The following ADK variants were observed in gnomAD, a reference collection of about 807,000 sequenced individuals.
ADK encodes the protein adenosine kinase.
Under a neutral mutation model 44.7 loss-of-function variants are expected in ADK, and 24 were observed. That is an observed-to-expected ratio of 0.54 (90% CI 0.39 to 0.76). The LOEUF (loss-of-function observed/expected upper bound fraction) is 0.76, where lower values mean the gene tolerates loss of function less well. Ranked by LOEUF, ADK falls within the 30% of genes least tolerant of loss-of-function variation. The probability of loss-of-function intolerance (pLI) is 0.00; values close to 1 mark genes in which losing one functional copy is unlikely to be tolerated. For synonymous variants in ADK, 128 were observed against 142.6 expected (o/e 0.90, Z 0.73); for missense variants, 321 against 425.1 (o/e 0.76, Z 2.15).
chr10:74,297,037 A>G (rs925119127), intron 3 of ADK, among the ~76,000 whole-genome samples: 51 of 152,334 alleles, frequency 3.3e-4, no homozygotes, highest in Admixed American at 2.7e-3. Flanking sequence ...TAGCTACCCA[A>G]TGGAAAACTA....
At position 74,570,505 on chromosome 10, in the gene ADK, C is replaced by T. The variant is rs535049834; in HGVS notation, c.727-18777C>T. Among the ~76,000 whole-genome samples the T allele has an allele frequency of 3.9e-4, 60 of 152,164 alleles. No individual in the cohort carries two copies. The East Asian group carries it at 0.011, about 28-fold the overall frequency. On this transcript the variant is annotated intron_variant, in intron 7 of 10. Coordinates refer to ENST00000539909, the MANE Select transcript of ADK (RefSeq NM_006721.4). Reference sequence around the variant, plus strand: ...GGTCCCTCCTTGAAGAGGTCCTTCACATCCCTTGTAAGTTGGATTCCTAGG... The same window carrying T: ...GGTCCCTCCTTGAAGAGGTCCTTCATATCCCTTGTAAGTTGGATTCCTAGG...
intron 1 of ADK, among the ~76,000 whole-genome samples, chr10:74,180,783 C>T (rs373457374): frequency 6.6e-6 from 1 of 152,056 alleles, no homozygotes; most frequent in Non-Finnish European, 1.5e-5. Context: ...GAATTCCTGA[C>T]GTCGTGATCC....
At chr10:74,338,006 CT>C (rs2131865141) in intron 4 of ADK, among the ~76,000 whole-genome samples, 1 of 152,138 alleles carries the variant, frequency 6.6e-6, no homozygotes, top group South Asian at 2.1e-4. Flanking sequence ...GAGACCCTGG[CT>C]TCAAGCAGTC....
At chr10:74,433,091 AC>A (rs758000139) in intron 6 of ADK, among the ~76,000 whole-genome samples, 2 of 152,188 alleles carry the variant, frequency 1.3e-5, no homozygotes, top group African/African-American at 2.4e-5. Context: ...TAATTAGCAA[AC>A]CAACATAGAA....
At chr10:74,464,991 G>A (rs938718775) in intron 6 of ADK, among the ~76,000 whole-genome samples, 1 of 152,040 alleles carries the variant, frequency 6.6e-6, no homozygotes, top group Non-Finnish European at 1.5e-5. Context: ...CAGCGACCAG[G>A]TAAATATTGC....
chr10:74,454,349 G>A (rs530571096), intron 6 of ADK, among the ~76,000 whole-genome samples: 2 of 152,104 alleles, frequency 1.3e-5, no homozygotes, highest in South Asian at 4.2e-4. Flanking sequence ...TATGGAATGT[G>A]TTACTCATTT....
At chr10:74,212,905 TAG>T (rs1302554997) in intron 2 of ADK, among the ~76,000 whole-genome samples, 1 of 151,912 alleles carries the variant, frequency 6.6e-6, no homozygotes, top group East Asian at 1.9e-4. Flanking sequence ...TAAAAGGAGT[TAG>T]AGATAACATT....
In ADK at chr10:74,577,961, CT is replaced by C. The variant is rs535927009; in HGVS notation, c.727-11314del. Among the ~76,000 whole-genome samples the C allele has an allele frequency of 1.5e-3, 233 of 152,104 alleles. 1 individual carries two copies. The highest frequency in any genetic ancestry group is 5.1e-3 in the African/African-American group (210 of 41,530). On this transcript the variant is annotated intron_variant, in intron 7 of 10. Transcript: ENST00000539909. Reference sequence around the variant, plus strand: ...ATGTAGAGTTTCCATTTTGTTTTTACTTTTTTTCAAGAGTGAATTTTGTAAA... The same window carrying C: ...ATGTAGAGTTTCCATTTTGTTTTTACTTTTTTCAAGAGTGAATTTTGTAAA...
intron 7 of ADK, among the ~76,000 whole-genome samples, chr10:74,552,169 A>G (rs539748373): frequency 4.1e-4 from 63 of 152,174 alleles, no homozygotes; most frequent in Non-Finnish European, 6.9e-4. Context: ...GTTTCTGTTA[A>G]TTCACAGCCA....
intron 4 of ADK, among the ~76,000 whole-genome samples, chr10:74,355,769 A>C (rs1297271696): frequency 6.6e-6 from 1 of 152,150 alleles, no homozygotes; most frequent in African/African-American, 2.4e-5. Flanking sequence ...TTTTCATTAT[A>C]TATAAAGACT....
intron 6 of ADK, chr10:74,506,521 TG>T (rs1848082356): frequency 6.5e-6 from 1 of 154,480 alleles, no homozygotes; most frequent in Non-Finnish European, 1.4e-5. Flanking sequence ...TGCAATTTAC[TG>T]TAAGATGTAG....
At chr10:74,558,862 A>C (rs1228909286) in intron 7 of ADK, among the ~76,000 whole-genome samples, 1 of 152,176 alleles carries the variant, frequency 6.6e-6, no homozygotes, top group Non-Finnish European at 1.5e-5. Context: ...TACCCTAGTG[A>C]GGCCGGGCTG....
intron 4 of ADK, among the ~76,000 whole-genome samples, chr10:74,357,083 A>G (rs1376973370): frequency 6.6e-6 from 1 of 152,166 alleles, no homozygotes; most frequent in African/African-American, 2.4e-5. Flanking sequence ...TGCACTAGTA[A>G]CATCCATCCC....
At chr10:74,471,337 G>A (rs536255335) in intron 6 of ADK, among the ~76,000 whole-genome samples, 3 of 152,190 alleles carry the variant, frequency 2.0e-5, no homozygotes, top group South Asian at 4.1e-4. Context: ...GCCTCCCAAA[G>A]TTCTGGGATT....
At chr10:74,175,351 G>A (rs1385188624) in intron 1 of ADK, among the ~76,000 whole-genome samples, 2 of 150,764 alleles carry the variant, frequency 1.3e-5, no homozygotes, top group African/African-American at 4.9e-5. Context: ...CTCCAACCTG[G>A]GCGACAGAAC....
intron 4 of ADK, among the ~76,000 whole-genome samples, chr10:74,366,290 A>G (rs1842496965): frequency 6.6e-6 from 1 of 152,206 alleles, no homozygotes; most frequent in South Asian, 2.1e-4. Context: ...TGAAAGTTTT[A>G]ATATAGAACA....
At chr10:74,401,443 T>C (rs1486298171) in intron 6 of ADK, among the ~76,000 whole-genome samples, 1 of 152,202 alleles carries the variant, frequency 6.6e-6, no homozygotes, top group Non-Finnish European at 1.5e-5. Flanking sequence ...TGCATATATA[T>C]TTAGGATAGT....
chr10:74,356,232 A>G (rs1381997203), intron 4 of ADK, among the ~76,000 whole-genome samples: 1 of 150,840 alleles, frequency 6.6e-6, no homozygotes, highest in Non-Finnish European at 1.5e-5. Context: ...GTTAGCCAGG[A>G]TGGTCTCGAT....
At chr10:74,569,445 C>G (rs1040574789) in intron 7 of ADK, among the ~76,000 whole-genome samples, 2 of 152,188 alleles carry the variant, frequency 1.3e-5, no homozygotes, top group African/African-American at 2.4e-5. Context: ...CCTGCTGTTT[C>G]CTGACTTTTT....
Sources: gnomAD v4.1 joint callset for allele counts (sites outside exome capture counted in the v4.1 genomes callset) on GRCh38, gnomAD v4.1.1 for gene constraint, MANE v1.5 for transcripts, NCBI Gene and HGNC (gene_info 2026-07-23, HGNC 2026-07-21) for gene names.